The following SLC2A14 variants were observed in gnomAD, a reference collection of about 807,000 sequenced individuals.
The protein encoded by SLC2A14 is solute carrier family 2 member 14.
SLC2A14 carries 13 observed loss-of-function variants against 43.0 expected under a neutral mutation model. The observed-to-expected ratio is 0.30, with a 90% CI of 0.20 to 0.48. The LOEUF (loss-of-function observed/expected upper bound fraction) is 0.48. Among genes scored for constraint, SLC2A14 ranks in the 20% least tolerant of loss-of-function variants. The pLI, the probability that SLC2A14 is intolerant of heterozygous loss-of-function variation, is 0.99. For synonymous variants in SLC2A14, 190 were observed against 233.8 expected, an observed-to-expected ratio of 0.81 and a Z score of 1.71; for missense variants, 428 against 620.4, an observed-to-expected ratio of 0.69 and a Z score of 3.29.
rs747541850 is a variant in SLC2A14 at position 7,871,528 on chromosome 12, C to T, written c.-58+1279G>A. ...GTCCCAGCTCCCAGTGGAGAAATCA[C>T]GCCAAGAGAAGTGCAGTGCAGGACT... On this transcript the variant is annotated intron_variant, in intron 1 of 10. Coordinates refer to ENST00000431042, the MANE Select transcript of SLC2A14 (RefSeq NM_001286234.2). Among the ~76,000 whole-genome samples, 9 of 152,008 alleles carry T rather than the reference C, an allele frequency of 5.9e-5. No homozygotes were observed. In the East Asian group the frequency reaches 9.7e-4, roughly 16 times the overall value.
chr12:7,817,628 A>G (rs2377082), intron 10 of SLC2A14, among the ~76,000 whole-genome samples: 75,123 of 151,782 alleles, frequency 0.49, 19,273 homozygotes, highest in African/African-American at 0.61. Context: ...TTAGCTGGGC[A>G]CGGTGGCGGG....
chr12:7,838,300 C>T (rs1343611627), intron 2 of SLC2A14, among the ~76,000 whole-genome samples: 1 of 151,384 alleles, frequency 6.6e-6, no homozygotes, highest in Admixed American at 6.6e-5. Context: ...ATTGGCCAGG[C>T]TGGTCTTGAA....
intron 1 of SLC2A14, among the ~76,000 whole-genome samples, chr12:7,878,848 C>G (rs913118448): frequency 6.6e-6 from 1 of 151,278 alleles, no homozygotes; most frequent in Non-Finnish European, 1.5e-5. Context: ...ATGCTGGCAC[C>G]TGCCTGTAAT....
At chr12:7,874,788 A>AATACATATATAAATACGTATTT (rs1218339596), upstream of SLC2A14, among the ~76,000 whole-genome samples, 10 of 48,858 alleles carry the variant, frequency 2.0e-4, 1 homozygote, top group Admixed American at 9.9e-4. Context: ...TAAATATATA[A>AATACATATATAAATACGTATTT]ATATATAAAT....
At chr12:7,842,492 T>C (rs1866045993) in intron 2 of SLC2A14, among the ~76,000 whole-genome samples, 1 of 152,166 alleles carries the variant, frequency 6.6e-6, no homozygotes, top group Non-Finnish European at 1.5e-5. Flanking sequence ...TCTATACAAG[T>C]GCCAATATAT....
chr12:7,849,779 T>G (rs776599951), intron 2 of SLC2A14, among the ~76,000 whole-genome samples: 3 of 151,208 alleles, frequency 2.0e-5, no homozygotes, highest in African/African-American at 7.3e-5. Context: ...GGCGGGCACC[T>G]GTAGTCCCAG....
chr12:7,820,800 C>A (rs930987934), intron 8 of SLC2A14, among the ~76,000 whole-genome samples: 2 of 151,996 alleles, frequency 1.3e-5, no homozygotes, highest in African/African-American at 4.8e-5. Context: ...GAAAATTAAA[C>A]AACAGTCCGG....
chr12:7,881,692 C>T (rs1442931347), intron 1 of SLC2A14, among the ~76,000 whole-genome samples: 1 of 152,180 alleles, frequency 6.6e-6, no homozygotes, highest in Non-Finnish European at 1.5e-5. Flanking sequence ...GACAGCTCCA[C>T]CTCCAGCCCC....
At chr12:7,880,014 AAC>A (rs1167066987) in intron 1 of SLC2A14, among the ~76,000 whole-genome samples, 1 of 149,522 alleles carries the variant, frequency 6.7e-6, no homozygotes, top group African/African-American at 2.5e-5. Context: ...AAAAATAAGA[AAC>A]AACAGGCCGG....
intron 2 of SLC2A14, among the ~76,000 whole-genome samples, chr12:7,841,324 G>T (rs888372762): frequency 1.3e-5 from 2 of 151,990 alleles, no homozygotes; most frequent in Admixed American, 1.3e-4. Flanking sequence ...TCAGTGCCAT[G>T]ATCTCGGCTC....
chr12:7,874,726 A>ATAT (rs1491500504), upstream of SLC2A14, among the ~76,000 whole-genome samples: 2 of 8,474 alleles, frequency 2.4e-4, no homozygotes, highest in African/African-American at 5.4e-4. Context: ...ATAAATATAT[A>ATAT]AAAAATATAT....
At chr12:7,830,468 A>G (rs533167213) in intron 4 of SLC2A14, among the ~76,000 whole-genome samples, 1 of 151,920 alleles carries the variant, frequency 6.6e-6, no homozygotes, top group East Asian at 1.9e-4. Flanking sequence ...ACTTTCTATT[A>G]TCAGAACGTT....
At chr12:7,872,753 C>T (rs1462325500) in intron 1 of SLC2A14, 54 bp downstream of exon 1, 1 of 984,608 alleles carries the variant, frequency 1.0e-6, no homozygotes, top group Non-Finnish European at 1.2e-6. Flanking sequence ...TCTACCCCAG[C>T]TCAGGTCCTC....
chr12:7,860,673 AG>A (rs1333631947), intron 2 of SLC2A14: 4 of 152,570 alleles, frequency 2.6e-5, no homozygotes, highest in Admixed American at 6.5e-5. Flanking sequence ...GATCATTTCC[AG>A]ATGAGAATCC....
chr12:7,863,823 CTTTTTTTT>C, intron 2 of SLC2A14, among the ~76,000 whole-genome samples: 1 of 131,630 alleles, frequency 7.6e-6, no homozygotes, highest in African/African-American at 2.7e-5. Flanking sequence ...TTCTTTTTTT[CTTTTTTTT>C]TTTTGAGACG....
At chr12:7,874,036 G>C (rs1314321205), upstream of SLC2A14, among the ~76,000 whole-genome samples, 1 of 152,068 alleles carries the variant, frequency 6.6e-6, no homozygotes, top group African/African-American at 2.4e-5. Context: ...CATGTCAAAA[G>C]GCATGCAACT....
At chr12:7,832,189 G>C (rs1432358694) in intron 3 of SLC2A14, among the ~76,000 whole-genome samples, 1 of 152,188 alleles carries the variant, frequency 6.6e-6, no homozygotes, top group Non-Finnish European at 1.5e-5. Context: ...GGGAATTGAA[G>C]AGGCAGATAA....
At chr12:7,883,590 CTTTTTTTTTTTT>C (rs1204450230) in intron 1 of SLC2A14, among the ~76,000 whole-genome samples, 6 of 95,214 alleles carry the variant, frequency 6.3e-5, no homozygotes, top group East Asian at 3.1e-4. Flanking sequence ...TTTTTCTTTT[CTTTTTTTTTTTT>C]TTTTTTTTTT....
intron 2 of SLC2A14, among the ~76,000 whole-genome samples, chr12:7,863,815 CTTTTTTTCTT>C (rs139528657): frequency 0.42 from 38,171 of 90,542 alleles, 5,336 homozygotes; most frequent in Middle Eastern, 0.53. Flanking sequence ...CCTTTTTTTT[CTTTTTTTCTT>C]TTTTTTTTTT....
Sources: gnomAD v4.1 joint callset for allele counts (sites outside exome capture counted in the v4.1 genomes callset) on GRCh38, gnomAD v4.1.1 for gene constraint, MANE v1.5 for transcripts, NCBI Gene and HGNC (gene_info 2026-07-23, HGNC 2026-07-21) for gene names.